Variants in CPNE4 observed in about 807,000 individuals in gnomAD.
CPNE4 encodes copine-4.
Under a neutral mutation model 67.9 loss-of-function variants are expected in CPNE4, and 25 were observed. That is an observed-to-expected ratio of 0.37 (90% CI 0.27 to 0.51). The LOEUF is 0.51. Ranked by LOEUF, CPNE4 falls within the 20% of genes least tolerant of loss-of-function variation. The pLI, the probability that CPNE4 is intolerant of heterozygous loss-of-function variation, is 0.93. For synonymous variants in CPNE4, 242 were observed against 244.9 expected (o/e 0.99, Z 0.11); for missense variants, 464 against 690.8 (o/e 0.67, Z 3.68).
chr3:132,016,608 G>A (rs1159994314), intron 1 of CPNE4, among the ~76,000 whole-genome samples: 6 of 152,014 alleles, frequency 3.9e-5, no homozygotes, highest in Admixed American at 6.6e-5. Context: ...TGAAAAACTG[G>A]GGTAACAAAA....
At chr3:131,974,960 A>G (rs1472801741) in intron 1 of CPNE4, among the ~76,000 whole-genome samples, 1 of 152,108 alleles carries the variant, frequency 6.6e-6, no homozygotes, top group Non-Finnish European at 1.5e-5. Context: ...ATGAGCGGAG[A>G]TTGCACCCCT....
At chr3:131,889,617 A>G (rs1449309190) in intron 2 of CPNE4, among the ~76,000 whole-genome samples, 1 of 152,230 alleles carries the variant, frequency 6.6e-6, no homozygotes, top group African/African-American at 2.4e-5. Flanking sequence ...TTAGTAATGA[A>G]ACCATATTTC....
intron 2 of CPNE4, among the ~76,000 whole-genome samples, chr3:131,761,905 A>C (rs1048411154): frequency 3.3e-5 from 5 of 152,126 alleles, no homozygotes. Flanking sequence ...TTAATGCTCA[A>C]ATGAACAATC....
intron 2 of CPNE4, among the ~76,000 whole-genome samples, chr3:131,762,692 A>G (rs572447522): frequency 6.6e-6 from 1 of 152,228 alleles, no homozygotes; most frequent in African/African-American, 2.4e-5. Context: ...GCCCCTTGAA[A>G]TAGAAAGGTT....
chr3:131,975,445 G>A (rs891622363), intron 1 of CPNE4, among the ~76,000 whole-genome samples: 7 of 152,158 alleles, frequency 4.6e-5, no homozygotes, highest in Non-Finnish European at 8.8e-5. Flanking sequence ...TCATTTACCC[G>A]AGGCTTCTCC....
rs151296776 is a variant in CPNE4, at chr3:131,991,343, T to C, written c.-2+43224A>G. Among the ~76,000 whole-genome samples the C allele has an allele frequency of 1.4e-3, 189 of 136,424 alleles. 10 individuals are homozygous for C. The highest frequency in any genetic ancestry group is 4.4e-3 in the African/African-American group (180 of 40,804). The allele number at this position is 136,424 out of a possible 152,430, so 89.5% of individuals were successfully genotyped here. ...TGAAACTTCCTGGAGACTTGTTGAA[T>C]GGTTTCAACCAAAATGCTGATAATG... On this transcript the variant is annotated intron_variant, in intron 1 of 15. Coordinates refer to ENST00000429747, the MANE Select transcript of CPNE4 (RefSeq NM_130808.3).
In CPNE4 at chr3:131,876,653, A is replaced by AAAAGAAAG. The variant is rs1553794944; in HGVS notation, c.180+28603_180+28610dup. On this transcript the variant is annotated intron_variant, in intron 2 of 15. Transcript: ENST00000429747. ...CAAGACTCCGTCTCAAAAAAAAAAA[A>AAAAGAAAG]AAAGAAAGAAAGAAAGAGACATTCT... Among the ~76,000 whole-genome samples the AAAAGAAAG allele has an allele frequency of 1.7e-4, 24 of 140,768 alleles. No individual in the cohort carries two copies. The East Asian group carries it at 3.3e-3, about 20-fold the overall frequency. The allele number at this position is 140,768 out of a possible 152,430, so 92.3% of individuals were successfully genotyped here.
At chr3:131,706,394 T>C (rs79199101) in intron 3 of CPNE4, among the ~76,000 whole-genome samples, 20,843 of 152,270 alleles carry the variant, frequency 0.14, 1,648 homozygotes, top group African/African-American at 0.2. Context: ...CTTATGTATA[T>C]TGATTCACTT....
Position 131,586,355 on chromosome 3 carries a change from G to C in CPNE4, c.780+1129C>G, listed in dbSNP as rs1300286619. On this transcript the variant is annotated intron_variant, in intron 8 of 15. Transcript: ENST00000429747. ...GATACCAGGAAGCATGAATAGAGGA[G>C]TGAGAAATTAGATAGAAGAGGCATC... 2.6e-5 allele frequency among the ~76,000 whole-genome samples: 4 copies of C among 152,116 alleles called. No individual in the cohort carries two copies. In the East Asian group the frequency reaches 7.7e-4, roughly 29 times the overall value.
chr3:131,611,525 A>G (rs1939839945), intron 7 of CPNE4, among the ~76,000 whole-genome samples: 1 of 152,114 alleles, frequency 6.6e-6, no homozygotes, highest in Non-Finnish European at 1.5e-5. Flanking sequence ...TAAGTGTTGG[A>G]CTTACTTATT....
chr3:132,011,871 C>T (rs2073772289), intron 1 of CPNE4, among the ~76,000 whole-genome samples: 1 of 152,196 alleles, frequency 6.6e-6, no homozygotes, highest in Non-Finnish European at 1.5e-5. Context: ...TTACTCTTAT[C>T]TTATCCTTTC....
intron 2 of CPNE4, among the ~76,000 whole-genome samples, chr3:131,854,343 T>C (rs2086354458): frequency 6.6e-6 from 1 of 151,842 alleles, no homozygotes; most frequent in Non-Finnish European, 1.5e-5. Context: ...ATCTGAGTAG[T>C]GGTCATCTTC....
intron 2 of CPNE4, among the ~76,000 whole-genome samples, chr3:131,885,697 C>G (rs537032315): frequency 1.3e-5 from 2 of 152,176 alleles, no homozygotes; most frequent in Admixed American, 1.3e-4. Flanking sequence ...CTGCTCCCCC[C>G]ACCCCACAAC....
At chr3:131,775,273 C>G (rs1449778957) in intron 2 of CPNE4, among the ~76,000 whole-genome samples, 2 of 152,132 alleles carry the variant, frequency 1.3e-5, no homozygotes, top group African/African-American at 4.8e-5. Context: ...CAGCCCAAAG[C>G]ATAAATTCTT....
At chr3:131,884,588 C>T (rs2087805876) in intron 2 of CPNE4, among the ~76,000 whole-genome samples, 1 of 152,136 alleles carries the variant, frequency 6.6e-6, no homozygotes, top group South Asian at 2.1e-4. Flanking sequence ...ATCTTGGAAA[C>T]TGATATGGTT....
intron 1 of CPNE4, among the ~76,000 whole-genome samples, chr3:131,972,812 A>G (rs1229677415): frequency 6.6e-6 from 1 of 152,144 alleles, no homozygotes; most frequent in African/African-American, 2.4e-5. Flanking sequence ...TTCCTCCTCC[A>G]TAAATGGGAA....
chr3:131,696,571 C>T lies in CPNE4; in HGVS notation c.478G>A (p.Ala160Thr). The T allele has an allele frequency of 6.2e-7, 1 of 1,614,006 alleles. No individual in the cohort carries two copies. Among genetic ancestry groups the T allele is most frequent in the Non-Finnish European group, 8.5e-7 (1 of 1,179,922 alleles). Residue 160 changes from alanine (A) to threonine (T), a missense_variant, in exon 5 of 16, where the codon GCA becomes ACA. Transcript: ENST00000429747. Reference sequence around the variant, plus strand: ...TCATCCAATTTCCGTGCATTGAATGCAAGCTCAACATAGTCGTCATTGCCA... The same window carrying T: ...TCATCCAATTTCCGTGCATTGAATGTAAGCTCAACATAGTCGTCATTGCCA... ...LSGNDDYVEL[A>T]FNARKLDDKD... is the part of the protein sequence containing the mutation.
In CPNE4 at chr3:131,541,206, C is replaced by T. The variant is rs1453025643; in HGVS notation, c.1539+1351G>A. 2.0e-5 allele frequency among the ~76,000 whole-genome samples: 3 copies of T among 152,190 alleles called. No individual in the cohort carries two copies. The East Asian group carries it at 5.8e-4, about 29-fold the overall frequency. On this transcript the variant is annotated intron_variant, in intron 15 of 15. Transcript: ENST00000429747. ...CAGGTGCCTAGACACAGCTAGGATA[C>T]TCTAGAGGGGTCTTCAGGACTACCA...
At chr3:131,675,947 T>A (rs901110582) in intron 6 of CPNE4, among the ~76,000 whole-genome samples, 4 of 144,114 alleles carry the variant, frequency 2.8e-5, no homozygotes, top group Non-Finnish European at 4.4e-5. Flanking sequence ...TATGTTTTTT[T>A]AAATTTATTG....
Sources: allele counts gnomAD v4.1 joint callset (sites outside exome capture counted in the v4.1 genomes callset), GRCh38; gene constraint gnomAD v4.1.1; transcripts MANE v1.5; gene names NCBI Gene and HGNC (gene_info 2026-07-23, HGNC 2026-07-21).